ARID1B: variants seen among roughly 807,000 people sequenced by gnomAD.
ARID1B encodes AT-rich interaction domain 1B.
ARID1B carries 30 observed loss-of-function variants against 212.3 expected under a neutral mutation model. The observed-to-expected ratio is 0.14, with a 90% confidence interval of 0.11 to 0.19. The LOEUF (loss-of-function observed/expected upper bound fraction) is 0.19, where lower values mean the gene tolerates loss of function less well. Ranked by LOEUF, ARID1B falls within the 10% of genes least tolerant of loss-of-function variation. ARID1B has a pLI of 1.00. For missense variants in ARID1B, 2,891 were observed against 3,204.0 expected, an observed-to-expected ratio of 0.90 and a Z score of 2.36; for synonymous variants, 1,402 against 1,301.7, an observed-to-expected ratio of 1.08 and a Z score of -1.66.
intron 1 of ARID1B, among the ~76,000 whole-genome samples, chr6:156,827,754 C>CTTTTTTTTTTT (rs532857305): frequency 1.5e-5 from 1 of 68,454 alleles, no homozygotes; most frequent in Non-Finnish European, 2.9e-5. Context: ...CCTGGTAATT[C>CTTTTTTTTTTT]TTTTTTTTTT....
intron 2 of ARID1B, among the ~76,000 whole-genome samples, chr6:156,838,508 G>C (rs1223361025): frequency 2.6e-5 from 4 of 152,090 alleles, no homozygotes; most frequent in Non-Finnish European, 4.4e-5. Context: ...ACGATAGCGA[G>C]AGCGTACCTG....
intron 7 of ARID1B, among the ~76,000 whole-genome samples, chr6:157,139,739 T>G (rs1334469097): frequency 1.3e-5 from 2 of 151,598 alleles, no homozygotes; most frequent in African/African-American, 2.4e-5. Flanking sequence ...TTTTTTTTTT[T>G]GAAGATGGAG....
At chr6:157,039,775 A>ACCTTCCTT (rs1374936601) in intron 4 of ARID1B, among the ~76,000 whole-genome samples, 1 of 77,248 alleles carries the variant, frequency 1.3e-5, no homozygotes, top group Non-Finnish European at 2.5e-5. Context: ...CTACCTACCT[A>ACCTTCCTT]CCTTCCTTCC....
At chr6:156,853,564 C>T (rs968582347) in intron 2 of ARID1B, among the ~76,000 whole-genome samples, 1 of 151,904 alleles carries the variant, frequency 6.6e-6, no homozygotes, top group African/African-American at 2.4e-5. Flanking sequence ...AAATGTCTGA[C>T]TCTGATTCCT....
chr6:156,988,292 C>G (rs148369815), intron 4 of ARID1B, among the ~76,000 whole-genome samples: 267 of 152,164 alleles, frequency 1.8e-3, no homozygotes, highest in Admixed American at 2.9e-3. Flanking sequence ...TTACATATGC[C>G]CAATTTGTGT....
intron 2 of ARID1B, among the ~76,000 whole-genome samples, chr6:156,859,332 A>G (rs983533919): frequency 4.6e-5 from 7 of 152,226 alleles, no homozygotes; most frequent in African/African-American, 1.4e-4. Flanking sequence ...TATGTGGTAC[A>G]TGACTGTAAA....
At chr6:156,836,179 G>A (rs1783498299) in intron 2 of ARID1B, among the ~76,000 whole-genome samples, 1 of 152,148 alleles carries the variant, frequency 6.6e-6, no homozygotes, top group Admixed American at 6.5e-5. Context: ...CAAGATAAAT[G>A]GAAAGTTAAA....
chr6:157,093,114 G>T (rs552413762), intron 5 of ARID1B, among the ~76,000 whole-genome samples: 1 of 152,256 alleles, frequency 6.6e-6, no homozygotes, highest in Admixed American at 6.5e-5. Flanking sequence ...GAATGGAGGG[G>T]TACAAAAGCT....
At chr6:157,133,977 TC>T (rs1435257942) in intron 7 of ARID1B, among the ~76,000 whole-genome samples, 2 of 152,220 alleles carry the variant, frequency 1.3e-5, no homozygotes, top group Non-Finnish European at 2.9e-5. Flanking sequence ...TTTACCACCT[TC>T]CTTATATTTT....
chr6:156,780,824 T>C (rs1382521124), intron 1 of ARID1B, among the ~76,000 whole-genome samples: 1 of 152,208 alleles, frequency 6.6e-6, no homozygotes, highest in Non-Finnish European at 1.5e-5. Context: ...ATTACATATA[T>C]CATAGACTTT....
At chr6:157,010,027 G>T (rs1438257949) in intron 4 of ARID1B, among the ~76,000 whole-genome samples, 2 of 152,234 alleles carry the variant, frequency 1.3e-5, no homozygotes, top group Non-Finnish European at 2.9e-5. Flanking sequence ...ATATGAAAGA[G>T]TGTTAGGGAA....
intron 1 of ARID1B, chr6:156,779,727 C>T (rs1779078931): frequency 6.2e-6 from 1 of 160,650 alleles, no homozygotes; most frequent in African/African-American, 2.4e-5. Context: ...GGCCCGCACC[C>T]GCGTCCCCCC....
At chr6:156,857,077 G>A (rs1161001358) in intron 2 of ARID1B, among the ~76,000 whole-genome samples, 3 of 152,150 alleles carry the variant, frequency 2.0e-5, no homozygotes, top group Admixed American at 6.5e-5. Flanking sequence ...GAACATCAGT[G>A]TAGTAAGATT....
At chr6:156,880,166 G>A (rs1336796058) in intron 2 of ARID1B, among the ~76,000 whole-genome samples, 2 of 152,192 alleles carry the variant, frequency 1.3e-5, no homozygotes, top group African/African-American at 4.8e-5. Context: ...ACATCTTAGT[G>A]TGAGCAAATG....
At chr6:156,784,634 A>T (rs992396863) in intron 1 of ARID1B, among the ~76,000 whole-genome samples, 1 of 152,206 alleles carries the variant, frequency 6.6e-6, no homozygotes, top group African/African-American at 2.4e-5. Flanking sequence ...TTAGCAATTC[A>T]CTTTGAGTGA....
Position 157,196,268 on chromosome 6 carries a change from C to T in ARID1B, c.4335C>T (p.Gly1445=), listed in dbSNP as rs2128357091. Residue 1445 remains glycine, a synonymous_variant, in exon 16 of 20, where the codon GGC becomes GGT. Transcript: ENST00000636930. ...QSPSGAMSNL[G]MGQRQQFPYG... is the part of the protein sequence containing the mutation. ...CCTCCGGAGCAATGTCTAACCTGGG[C>T]ATGGGGCAGCGCCAGCAGTTTCCCT... 1 of 1,611,280 alleles carries T rather than the reference C, an allele frequency of 6.2e-7. No homozygotes were observed. Among genetic ancestry groups the T allele is most frequent in the Non-Finnish European group, 8.5e-7 (1 of 1,179,350 alleles).
intron 9 of ARID1B, chr6:157,168,875 GAATTT>G (rs1791513567): frequency 6.6e-6 from 1 of 152,144 alleles, no homozygotes; most frequent in Non-Finnish European, 1.5e-5. Context: ...TTGAAACATT[GAATTT>G]TTAATAATTT....
At position 157,053,910 on chromosome 6, in the gene ARID1B, C is replaced by T. The variant is rs201538743; in HGVS notation, c.2248-30752C>T. On this transcript the variant is annotated intron_variant, in intron 4 of 19. Coordinates refer to ENST00000636930, the MANE Select transcript of ARID1B (RefSeq NM_001374828.1). The stretch of plus-strand genomic sequence containing the variant: ...CCAACATGGTGAAACCCCGTCTCTA[C>T]TAAAATACAAAAAAATAAAAATAAA... 8.6e-5 allele frequency among the ~76,000 whole-genome samples: 13 copies of T among 151,818 alleles called. No individual in the cohort carries two copies. The East Asian group carries it at 2.5e-3, about 29-fold the overall frequency.
At chr6:156,976,699 T>C (rs1047936396) in intron 4 of ARID1B, 2 of 373,780 alleles carry the variant, frequency 5.4e-6, no homozygotes, top group Non-Finnish European at 1.0e-5. Flanking sequence ...TGCTGCTCAC[T>C]CTCCTGGTCC....
Sources: allele counts gnomAD v4.1 joint callset (sites outside exome capture counted in the v4.1 genomes callset), GRCh38; gene constraint gnomAD v4.1.1; transcripts MANE v1.5; gene names NCBI Gene and HGNC (gene_info 2026-07-23, HGNC 2026-07-21).